Variants in KIF20B observed in about 807,000 individuals in gnomAD.
KIF20B encodes the protein kinesin family member 20B, also known as kinesin-like protein KIF20B.
KIF20B carries 188 observed loss-of-function variants against 232.5 expected under a neutral mutation model. That is an observed-to-expected ratio of 0.81 (90% CI 0.72 to 0.91). The LOEUF (loss-of-function observed/expected upper bound fraction) is 0.91, where lower values mean the gene tolerates loss of function less well. KIF20B is among the 40% of genes least tolerant of loss of function. The probability of loss-of-function intolerance (pLI) is 0.00; values close to 1 mark genes in which losing one functional copy is unlikely to be tolerated. For synonymous variants in KIF20B, 712 were observed against 683.0 expected (o/e 1.04, Z -0.66); for missense variants, 2,154 against 2,055.9 (o/e 1.05, Z -0.92).
In KIF20B at chr10:89,738,010, A is replaced by G; in HGVS notation, c.3169A>G (p.Ile1057Val). The G allele has an allele frequency of 1.2e-6, 2 of 1,613,428 alleles. No individual in the cohort carries two copies. The highest frequency in any genetic ancestry group is 8.5e-7 in the Non-Finnish European group (1 of 1,179,508). ...TAGGGAAAATTCTTTCCACTCTAGT[A>G]TTGAAGCTATTTGGGAAGAATGTAA... ...PNRENSFHSS[I>V]EAIWEECKEI... Residue 1057 changes from isoleucine to valine, a missense_variant, in exon 20 of 33, where the codon ATT (isoleucine) becomes GTT (valine). Physicochemically the swap from Ile to Val is conservative, Grantham distance 29 (BLOSUM62 3). Coordinates refer to ENST00000371728, the MANE Select transcript of KIF20B (RefSeq NM_001284259.2).
In KIF20B at chr10:89,725,078, A is replaced by C; in HGVS notation, c.1921A>C (p.Ile641Leu). Residue 641 changes from isoleucine (I) to leucine (L), a missense_variant, in exon 15 of 33, where the codon ATC (isoleucine) becomes CTC (leucine). Coordinates refer to ENST00000371728, the MANE Select transcript of KIF20B (RefSeq NM_001284259.2). ...LEENAERRLA[I>L]FKDLVGKCDT... Reference sequence around the variant, plus strand: ...AGAAAATGCTGAACGTCGTTTGGCTATCTTCAAGGATTTGGTTGGTAAATG... The same window carrying C: ...AGAAAATGCTGAACGTCGTTTGGCTCTCTTCAAGGATTTGGTTGGTAAATG... 1.2e-6 allele frequency: 2 copies of C among 1,613,980 alleles called. No individual in the cohort carries two copies. Among genetic ancestry groups the C allele is most frequent in the Non-Finnish European group, 1.7e-6 (2 of 1,179,858 alleles).
chr10:89,717,298 T>G, intron 9 of KIF20B, 126 bp from the exon 10 acceptor site: 3 of 603,754 alleles, frequency 5.0e-6, no homozygotes, highest in South Asian at 2.7e-5. Flanking sequence ...AACAGCTAAT[T>G]GGAAAATGCA....
In KIF20B at chr10:89,737,652, G is replaced by T. The variant is rs116910696; in HGVS notation, c.2811G>T (p.Gln937His). 2,950 of 1,612,100 alleles carry T rather than the reference G, an allele frequency of 1.8e-3. 4 individuals carry two copies. The highest frequency in any genetic ancestry group is 2.3e-3 in the Non-Finnish European group (2,733 of 1,178,880). The part of the protein sequence containing the change: ...LTLSKEVQQI[Q>H]SNYDIAIAEL... ...TAAGTAAAGAGGTCCAACAAATTCA[G>T]TCAAATTATGATATTGCAATTGCTG... Residue 937 changes from glutamine (Q) to histidine (H), a missense_variant, in exon 20 of 33, where the codon CAG becomes CAT. Transcript: ENST00000371728.
At chr10:89,757,077 T>C (rs573096742) in intron 26 of KIF20B, among the ~76,000 whole-genome samples, 7 of 133,468 alleles carry the variant, frequency 5.2e-5, no homozygotes, top group South Asian at 5.1e-4. Context: ...TATACACACA[T>C]GACAATTGCT....
At chr10:89,746,909 A>G (rs1841922608) in intron 23 of KIF20B, among the ~76,000 whole-genome samples, 1 of 152,256 alleles carries the variant, frequency 6.6e-6, no homozygotes, top group Non-Finnish European at 1.5e-5. Flanking sequence ...TCTTAGAAAA[A>G]TAAAATAAGT....
At position 89,768,889 on chromosome 10, in the gene KIF20B, G is replaced by T. The variant is rs562330101; in HGVS notation, c.5242+1G>T. 3.8e-6 allele frequency: 6 copies of T among 1,580,314 alleles called. No homozygotes were observed. The African/African-American group carries it at 6.9e-5, about 18-fold the overall frequency. ...TCTCCCTCAATTCTTCAATCAAAAG[G>T]TTTGCAGAAAATTAATTAAATGACC... On this transcript the variant is annotated splice_donor_variant, in intron 31 of 32. Coordinates refer to ENST00000371728, the MANE Select transcript of KIF20B (RefSeq NM_001284259.2). LOFTEE classifies it high-confidence loss of function.
chr10:89,718,148 C>T (rs965961018), intron 11 of KIF20B, among the ~76,000 whole-genome samples: 4 of 152,194 alleles, frequency 2.6e-5, no homozygotes, highest in African/African-American at 9.7e-5. Flanking sequence ...TATATACTTG[C>T]TCTATACTAG....
chr10:89,751,542 C>A, intron 24 of KIF20B, 71 bp downstream of exon 24: 1 of 1,440,800 alleles, frequency 6.9e-7, no homozygotes, highest in Non-Finnish European at 9.5e-7. Context: ...AGATTTCTTC[C>A]CTTGTTAAAG....
intron 11 of KIF20B, among the ~76,000 whole-genome samples, chr10:89,718,312 C>T (rs912889296): frequency 6.6e-6 from 1 of 151,804 alleles, no homozygotes; most frequent in South Asian, 2.1e-4. Context: ...TTGCTTGAGC[C>T]CAGGAGTTCA....
chr10:89,714,889 C>A, intron 7 of KIF20B, 66 bp from the exon 8 acceptor site: 2 of 971,860 alleles, frequency 2.1e-6, no homozygotes, highest in South Asian at 1.5e-5. Context: ...TCGATTTGTA[C>A]TTTTGTCACG....
intron 6 of KIF20B, among the ~76,000 whole-genome samples, chr10:89,711,427 TTC>T (rs1842835672): frequency 1.3e-5 from 2 of 152,268 alleles, no homozygotes; most frequent in South Asian, 2.1e-4. Flanking sequence ...TTTTTTAAAA[TTC>T]TGTTTTTTAA....
At chr10:89,723,384 ATG>A (rs201326386) in intron 13 of KIF20B, among the ~76,000 whole-genome samples, 1 of 151,510 alleles carries the variant, frequency 6.6e-6, no homozygotes, top group Non-Finnish European at 1.5e-5. Context: ...ATGATTATGT[ATG>A]TGTTTCAAAG....
intron 22 of KIF20B, among the ~76,000 whole-genome samples, chr10:89,745,260 C>T (rs966595225): frequency 6.6e-6 from 1 of 152,208 alleles, no homozygotes; most frequent in South Asian, 2.1e-4. Context: ...CACAGTCGCT[C>T]ACGCATGTAA....
chr10:89,768,173 CG>C (rs1842401276), intron 29 of KIF20B, 116 bp from the exon 30 acceptor site: 3 of 669,876 alleles, frequency 4.5e-6, no homozygotes, highest in Admixed American at 6.4e-5. Context: ...AAATTGCCCT[CG>C]GTTAAGAGTC....
At chr10:89,726,584 G>A in intron 16 of KIF20B, 63 bp downstream of exon 16, 3 of 1,329,118 alleles carry the variant, frequency 2.3e-6, no homozygotes, top group East Asian at 2.6e-5. Context: ...CTCTTGGTAA[G>A]TATAAGAGAT....
intron 8 of KIF20B, among the ~76,000 whole-genome samples, chr10:89,715,858 G>A (rs926911868): frequency 6.6e-6 from 1 of 150,766 alleles, no homozygotes; most frequent in Non-Finnish European, 1.5e-5. Context: ...TGGCATGATC[G>A]TATGCATCTG....
intron 4 of KIF20B, 85 bp downstream of exon 4, chr10:89,709,546 A>C: frequency 1.2e-6 from 1 of 849,982 alleles, no homozygotes; most frequent in Non-Finnish European, 1.9e-6. Context: ...TATATAATGA[A>C]CTATACATTT....
chr10:89,738,256 A>G lies in KIF20B; in HGVS notation c.3415A>G (p.Ile1139Val), dbSNP rs1366788261. The change falls in exon 20 of 33, where the codon ATA becomes GTA. Residue 1139 changes from isoleucine (I) to valine (V), a missense_variant. By Grantham distance (29) the Ile-to-Val change is conservative. Transcript: ENST00000371728. ...AAAAAATGTTACTCTTGATGTTCAA[A>G]TACAGCATGTAGTTGAAGGAAAGAG... Reference protein sequence around the residue: ...QEKNVTLDVQIQHVVEGKRAL... With the variant: ...QEKNVTLDVQVQHVVEGKRAL... 33 of 1,609,502 alleles carry G rather than the reference A, an allele frequency of 2.1e-5. No homozygotes were observed. Among genetic ancestry groups the G allele is most frequent in the Non-Finnish European group, 2.8e-5 (33 of 1,178,748 alleles).
chr10:89,723,187 T>C (rs1843104339), intron 13 of KIF20B, among the ~76,000 whole-genome samples: 1 of 152,216 alleles, frequency 6.6e-6, no homozygotes, highest in Admixed American at 6.5e-5. Context: ...TTTTCAAATA[T>C]AAAGTTGAGA....
Sources: gnomAD v4.1 joint callset for allele counts (sites outside exome capture counted in the v4.1 genomes callset) on GRCh38, gnomAD v4.1.1 for gene constraint, MANE v1.5 for transcripts, NCBI Gene and HGNC (gene_info 2026-07-23, HGNC 2026-07-21) for gene names.